The following GALNT13 variants were observed in gnomAD, a reference collection of about 807,000 sequenced individuals.
GALNT13 encodes polypeptide N-acetylgalactosaminyltransferase 13, also known as UDP-GalNAc:polypeptide N-acetylgalactosaminyltransferase 13.
GALNT13 carries 28 observed loss-of-function variants against 64.2 expected under a neutral mutation model. The observed-to-expected ratio is 0.44, with a 90% CI of 0.32 to 0.60. GALNT13 has a LOEUF of 0.60. Ranked by LOEUF, GALNT13 falls within the 20% of genes least tolerant of loss-of-function variation. GALNT13 has a pLI of 0.05. For missense variants in GALNT13, 577 were observed against 669.8 expected (o/e 0.86, Z 1.53); for synonymous variants, 214 against 224.6 (o/e 0.95, Z 0.42).
In GALNT13 at chr2:154,295,394, C is replaced by T. The variant is rs564394295; in HGVS notation, c.976-6015C>T. 1.3e-4 allele frequency among the ~76,000 whole-genome samples: 7 copies of T among 55,734 alleles called. No homozygotes were observed. The Admixed American group carries it at 1.4e-3, about 11-fold the overall frequency. The allele number at this position is 55,734 out of a possible 152,430, so 36.6% of individuals were successfully genotyped here. On this transcript the variant is annotated intron_variant, in intron 8 of 12. Coordinates refer to ENST00000392825, the MANE Select transcript of GALNT13 (RefSeq NM_052917.4). Reference sequence around the variant, plus strand: ...TTTATTTATTTTTGCGATGGAGTCTCTCTCTGTCACCCAGGCTGGAGTGCA... The same window carrying T: ...TTTATTTATTTTTGCGATGGAGTCTTTCTCTGTCACCCAGGCTGGAGTGCA...
At chr2:153,273,328 G>A in the GALNT13 span, among the ~76,000 whole-genome samples, 1 of 152,198 alleles carries the variant, frequency 6.6e-6, no homozygotes, top group African/African-American at 2.4e-5. Flanking sequence ...GAGGAATTAG[G>A]TTATATGAGG....
intron 3 of GALNT13, among the ~76,000 whole-genome samples, chr2:154,110,372 G>GAC (rs1702908494): frequency 6.1e-5 from 6 of 99,006 alleles, no homozygotes; most frequent in Admixed American, 9.9e-5. Flanking sequence ...GAGAGAGAGA[G>GAC]AGAGACAGAG....
At chr2:154,022,679 T>C (rs1272374826) in intron 3 of GALNT13, among the ~76,000 whole-genome samples, 1 of 152,206 alleles carries the variant, frequency 6.6e-6, no homozygotes, top group African/African-American at 2.4e-5. Context: ...GGAGGGCTTT[T>C]TGTGTCTCTA....
chr2:154,242,467 A>G (rs903954961), intron 5 of GALNT13, among the ~76,000 whole-genome samples: 7 of 152,126 alleles, frequency 4.6e-5, no homozygotes, highest in Admixed American at 1.3e-4. Context: ...TTTCAAAAAT[A>G]TATCTTTTTT....
At chr2:153,216,270 T>C in the GALNT13 span, among the ~76,000 whole-genome samples, 3 of 152,078 alleles carry the variant, frequency 2.0e-5, no homozygotes, top group Non-Finnish European at 2.9e-5. Flanking sequence ...GCTATAAACA[T>C]TTCTATACAG....
the GALNT13 span, among the ~76,000 whole-genome samples, chr2:153,686,553 G>C: frequency 7.9e-5 from 12 of 152,136 alleles, no homozygotes; most frequent in African/African-American, 2.9e-4. Flanking sequence ...CAGACTATGG[G>C]TTTTTCTAGA....
At chr2:153,266,954 C>A in the GALNT13 span, among the ~76,000 whole-genome samples, 4 of 152,240 alleles carry the variant, frequency 2.6e-5, no homozygotes, top group Admixed American at 2.0e-4. Flanking sequence ...CCTGTAAAAT[C>A]ACATGCAAGT....
chr2:153,068,458 G>C, the GALNT13 span, among the ~76,000 whole-genome samples: 1 of 151,978 alleles, frequency 6.6e-6, no homozygotes, highest in Non-Finnish European at 1.5e-5. Flanking sequence ...ATGTCTTTTT[G>C]GGTTTTTAAT....
the GALNT13 span, among the ~76,000 whole-genome samples, chr2:153,230,306 A>T: frequency 3.8e-4 from 58 of 152,308 alleles, no homozygotes; most frequent in Admixed American, 3.8e-3. Flanking sequence ...CTCATTTTGG[A>T]TTAGATCAGT....
the GALNT13 span, among the ~76,000 whole-genome samples, chr2:153,629,623 G>T: frequency 6.6e-6 from 1 of 152,182 alleles, no homozygotes; most frequent in African/African-American, 2.4e-5. Flanking sequence ...AAAAGCAATG[G>T]CAACAAAAGA....
Position 154,450,444 on chromosome 2 carries a change from T to C in GALNT13, c.1564T>C (p.Cys522Arg). ...LTLRHVNSNQCLDEPSEEDKM... is the reference protein window; with the variant it reads ...LTLRHVNSNQRLDEPSEEDKM... Reference sequence around the variant, plus strand: ...GTTGCGACATGTTAACAGTAACCAATGTCTCGATGAACCTTCTGAAGAAGA... The same window carrying C: ...GTTGCGACATGTTAACAGTAACCAACGTCTCGATGAACCTTCTGAAGAAGA... The change falls in exon 13 of 13, where the codon TGT becomes CGT. Residue 522 changes from cysteine (C) to arginine (R), a missense_variant. By Grantham distance (180) the Cys-to-Arg change is radical. Transcript: ENST00000392825. 1.2e-6 allele frequency: 2 copies of C among 1,612,724 alleles called. No individual in the cohort carries two copies. Among genetic ancestry groups the C allele is most frequent in the Non-Finnish European group, 1.7e-6 (2 of 1,179,150 alleles).
the GALNT13 span, among the ~76,000 whole-genome samples, chr2:153,074,493 G>A: frequency 2.6e-5 from 4 of 152,176 alleles, no homozygotes; most frequent in Non-Finnish European, 4.4e-5. Flanking sequence ...ATACTTATGC[G>A]AACCTAGAAG....
chr2:153,478,642 G>A, the GALNT13 span: 23 of 1,209,920 alleles, frequency 1.9e-5, no homozygotes, highest in South Asian at 3.3e-4. Flanking sequence ...AACAGGTGCC[G>A]GGCTGAGCGC....
chr2:153,961,327 A>C (rs919032830), intron 3 of GALNT13, among the ~76,000 whole-genome samples: 1 of 152,222 alleles, frequency 6.6e-6, no homozygotes, highest in African/African-American at 2.4e-5. Context: ...AGACCAAAAA[A>C]TCAATAGATG....
intron 3 of GALNT13, among the ~76,000 whole-genome samples, chr2:153,961,989 C>T (rs1018727095): frequency 6.6e-6 from 1 of 152,102 alleles, no homozygotes; most frequent in African/African-American, 2.4e-5. Flanking sequence ...AAGTTTGGTA[C>T]CGTTTTCATG....
chr2:154,040,947 G>C (rs1041666153), intron 3 of GALNT13, among the ~76,000 whole-genome samples: 1 of 139,776 alleles, frequency 7.2e-6, no homozygotes, highest in African/African-American at 2.5e-5. Context: ...GAGAACATCT[G>C]TTTTTGTACA....
At chr2:154,151,248 G>A (rs957221003) in intron 4 of GALNT13, among the ~76,000 whole-genome samples, 32 of 152,106 alleles carry the variant, frequency 2.1e-4, no homozygotes, top group African/African-American at 6.5e-4. Context: ...TTTTGAGTGC[G>A]TTTTTTAATC....
intron 9 of GALNT13, among the ~76,000 whole-genome samples, chr2:154,392,030 GA>G (rs1202843875): frequency 6.6e-6 from 1 of 151,996 alleles, no homozygotes; most frequent in African/African-American, 2.4e-5. Flanking sequence ...ATTACAGACA[GA>G]AAAAAAGAAG....
intron 4 of GALNT13, among the ~76,000 whole-genome samples, chr2:154,216,543 G>A (rs983964869): frequency 6.6e-6 from 1 of 151,914 alleles, no homozygotes; most frequent in Non-Finnish European, 1.5e-5. Context: ...GCTTGCACTC[G>A]AAAAATGCTT....
Sources: allele counts gnomAD v4.1 joint callset (sites outside exome capture counted in the v4.1 genomes callset), GRCh38; gene constraint gnomAD v4.1.1; transcripts MANE v1.5; gene names NCBI Gene and HGNC (gene_info 2026-07-23, HGNC 2026-07-21).